RALYL: variants seen among roughly 807,000 people sequenced by gnomAD.
RALYL encodes RALY RNA binding protein like.
In RALYL, 29 loss-of-function variants were observed where a neutral mutation model predicts 35.1. The ratio of observed to expected loss-of-function variants is 0.83; its 90% CI spans 0.61 to 1.13. The LOEUF (loss-of-function observed/expected upper bound fraction) is 1.13. Among genes scored for constraint, RALYL ranks in the 50% most tolerant of loss-of-function variants. The pLI, the probability that RALYL is intolerant of heterozygous loss-of-function variation, is 0.00. For synonymous variants in RALYL, 120 were observed against 127.6 expected, an observed-to-expected ratio of 0.94 and a Z score of 0.40; for missense variants, 359 against 360.4, an observed-to-expected ratio of 1.00 and a Z score of 0.03.
At chr8:84,503,339 T>A (rs1014457912) in intron 1 of RALYL, among the ~76,000 whole-genome samples, 2 of 149,948 alleles carry the variant, frequency 1.3e-5, no homozygotes, top group African/African-American at 4.9e-5. Context: ...TTTTTTTTTT[T>A]AACAGACAGG....
At chr8:84,345,239 G>A (rs1849621378) in intron 1 of RALYL, among the ~76,000 whole-genome samples, 1 of 151,840 alleles carries the variant, frequency 6.6e-6, no homozygotes, top group South Asian at 2.1e-4. Flanking sequence ...TTTATGGGGT[G>A]TAGTGGGCCT....
At chr8:84,385,296 A>G (rs1334824870) in intron 1 of RALYL, among the ~76,000 whole-genome samples, 1 of 151,994 alleles carries the variant, frequency 6.6e-6, no homozygotes, top group East Asian at 1.9e-4. Context: ...AATTCAATCA[A>G]TTTCTAAGAG....
In RALYL at chr8:84,873,329, TCAAAA is replaced by T. The variant is rs761976467; in HGVS notation, c.619_623del (p.Lys207Ter). On this transcript the variant is annotated frameshift_variant, in exon 7 of 9. Transcript: ENST00000521268. LOFTEE classifies it high-confidence loss of function. ...ACCATCAAGAAAGAATTAACCCAGA[TCAAAA>T]CTAAAATTGACTCCTTGCTAGGGCG... 1 of 1,602,474 alleles carries T rather than the reference TCAAAA, an allele frequency of 6.2e-7. No homozygotes were observed. The highest frequency in any genetic ancestry group is 8.5e-7 in the Non-Finnish European group (1 of 1,174,316).
chr8:84,835,780 A>T (rs888074714), intron 4 of RALYL, among the ~76,000 whole-genome samples: 6 of 151,934 alleles, frequency 3.9e-5, no homozygotes, highest in African/African-American at 1.4e-4. Context: ...CCTTTTGTTG[A>T]GCCATCAGTT....
chr8:84,468,098 A>G (rs921895420), intron 1 of RALYL, among the ~76,000 whole-genome samples: 1 of 151,500 alleles, frequency 6.6e-6, no homozygotes, highest in South Asian at 2.1e-4. Context: ...TCTTTATCCA[A>G]TTTGCCAGTC....
intron 1 of RALYL, chr8:84,184,917 C>G (rs1156789422): frequency 2.5e-5 from 39 of 1,557,156 alleles, no homozygotes; most frequent in Non-Finnish European, 2.7e-5. Flanking sequence ...CCAGGCCACG[C>G]GAGCCGGAGC....
chr8:84,902,085 C>T (rs1489154311), intron 8 of RALYL, among the ~76,000 whole-genome samples: 4 of 152,108 alleles, frequency 2.6e-5, no homozygotes, highest in Non-Finnish European at 4.4e-5. Context: ...GTTAGGCCAT[C>T]CTCACATTGC....
intron 1 of RALYL, among the ~76,000 whole-genome samples, chr8:84,400,820 A>G (rs1223639191): frequency 6.6e-6 from 1 of 152,210 alleles, no homozygotes; most frequent in Non-Finnish European, 1.5e-5. Flanking sequence ...AGAGATTTTC[A>G]TGTTCATGTG....
intron 1 of RALYL, among the ~76,000 whole-genome samples, chr8:84,222,915 A>C (rs1359281031): frequency 6.6e-6 from 1 of 152,178 alleles, no homozygotes; most frequent in Admixed American, 6.6e-5. Flanking sequence ...TAGGAATCCA[A>C]GTACCAGAGG....
At chr8:84,624,116 C>T (rs1053902229) in intron 2 of RALYL, among the ~76,000 whole-genome samples, 3 of 152,178 alleles carry the variant, frequency 2.0e-5, no homozygotes, top group Non-Finnish European at 2.9e-5. Context: ...ATGAATAGTG[C>T]TCAGATATTT....
chr8:84,246,129 C>A (rs562841847), intron 1 of RALYL, among the ~76,000 whole-genome samples: 2 of 151,942 alleles, frequency 1.3e-5, no homozygotes, highest in Non-Finnish European at 2.9e-5. Flanking sequence ...CATGTGTACC[C>A]CCAAGAGGTA....
chr8:84,904,713 ACT>A (rs757255586), intron 8 of RALYL, among the ~76,000 whole-genome samples: 3 of 152,094 alleles, frequency 2.0e-5, no homozygotes, highest in Non-Finnish European at 4.4e-5. Flanking sequence ...AAATGTAAAG[ACT>A]CTACAAATTG....
intron 1 of RALYL, among the ~76,000 whole-genome samples, chr8:84,221,424 G>GCATA (rs1822181627): frequency 6.6e-6 from 1 of 151,988 alleles, no homozygotes; most frequent in Non-Finnish European, 1.5e-5. Flanking sequence ...TTGATACGAA[G>GCATA]TCAGCATATC....
intron 1 of RALYL, among the ~76,000 whole-genome samples, chr8:84,351,754 T>C (rs1400712148): frequency 1.3e-5 from 2 of 150,404 alleles, no homozygotes; most frequent in African/African-American, 2.5e-5. Context: ...GGTTGTTCCA[T>C]AACTTTATTA....
intron 1 of RALYL, among the ~76,000 whole-genome samples, chr8:84,188,686 A>C (rs773818132): frequency 2.0e-5 from 3 of 152,138 alleles, no homozygotes; most frequent in Non-Finnish European, 4.4e-5. Flanking sequence ...AAGTTTACAT[A>C]ATTATACTTG....
intron 1 of RALYL, among the ~76,000 whole-genome samples, chr8:84,493,447 G>A (rs2055584471): frequency 6.6e-6 from 1 of 152,116 alleles, no homozygotes; most frequent in Admixed American, 6.6e-5. Context: ...TGGGAATGCT[G>A]GGTCAAATGG....
intron 2 of RALYL, among the ~76,000 whole-genome samples, chr8:84,742,698 G>A (rs1039188995): frequency 6.6e-6 from 1 of 151,978 alleles, no homozygotes; most frequent in Non-Finnish European, 1.5e-5. Context: ...AGAAACGGAG[G>A]TATAATGGAA....
At chr8:84,298,795 G>A (rs1840246795) in intron 1 of RALYL, among the ~76,000 whole-genome samples, 1 of 151,638 alleles carries the variant, frequency 6.6e-6, no homozygotes, top group Non-Finnish European at 1.5e-5. Context: ...TGTTTTCCTA[G>A]CTTTGTGTGT....
intron 2 of RALYL, among the ~76,000 whole-genome samples, chr8:84,530,351 G>A (rs190615073): frequency 3.5e-4 from 53 of 151,790 alleles, no homozygotes; most frequent in African/African-American, 1.2e-3. Flanking sequence ...TCATTGTACA[G>A]CATCTTCTCA....
Sources: gnomAD v4.1 joint callset for allele counts (sites outside exome capture counted in the v4.1 genomes callset) on GRCh38, gnomAD v4.1.1 for gene constraint, MANE v1.5 for transcripts, NCBI Gene and HGNC (gene_info 2026-07-23, HGNC 2026-07-21) for gene names.